PRPF18: variants seen among roughly 807,000 people sequenced by gnomAD.
PRPF18 encodes the protein pre-mRNA-splicing factor 18.
PRPF18 carries 38 observed loss-of-function variants against 46.5 expected under a neutral mutation model. The ratio of observed to expected loss-of-function variants is 0.82; its 90% CI spans 0.63 to 1.07. The LOEUF (loss-of-function observed/expected upper bound fraction) is 1.07, where lower values mean the gene tolerates loss of function less well. Ranked by LOEUF, PRPF18 falls within the 50% of genes least tolerant of loss-of-function variation. The pLI, the probability that PRPF18 is intolerant of heterozygous loss-of-function variation, is 0.00. For missense variants in PRPF18, 263 were observed against 410.0 expected (o/e 0.64, Z 3.10); for synonymous variants, 152 against 146.7 (o/e 1.04, Z -0.26).
chr10:13,632,496 G>C (rs1055399760), downstream of PRPF18: 2 of 152,188 alleles, frequency 1.3e-5, no homozygotes, highest in East Asian at 3.8e-4. Context: ...TACTTTTTCT[G>C]TATTCACCAT....
At chr10:13,617,318 C>G (rs1433942134) in intron 9 of PRPF18, among the ~76,000 whole-genome samples, 4 of 152,284 alleles carry the variant, frequency 2.6e-5, no homozygotes, top group African/African-American at 9.6e-5. Flanking sequence ...CAGTCATTAC[C>G]ATATTCATGA....
At chr10:13,591,411 C>T in intron 1 of PRPF18, 1 of 456,060 alleles carries the variant, frequency 2.2e-6, no homozygotes, top group Non-Finnish European at 3.9e-6. Flanking sequence ...TTATTCAGTC[C>T]TCCTTTTTTG....
intron 5 of PRPF18, 93 bp from the exon 6 acceptor site, chr10:13,611,522 G>T: frequency 9.7e-7 from 1 of 1,031,980 alleles, no homozygotes; most frequent in South Asian, 1.4e-5. Context: ...CAGCATATGT[G>T]ACCAAGAGCC....
At chr10:13,650,093 C>A in the PRPF18 span, among the ~76,000 whole-genome samples, 35 of 152,212 alleles carry the variant, frequency 2.3e-4, no homozygotes, top group Non-Finnish European at 3.2e-4. Flanking sequence ...ACTGGCTAAG[C>A]CAGGGCCGTC....
At chr10:13,614,463 C>T (rs2080312358) in intron 8 of PRPF18, among the ~76,000 whole-genome samples, 1 of 152,182 alleles carries the variant, frequency 6.6e-6, no homozygotes, top group African/African-American at 2.4e-5. Flanking sequence ...ATGAGTTTCC[C>T]AGGATGGTCA....
Position 13,613,837 on chromosome 10 carries a change from A to G in PRPF18, c.676A>G (p.Thr226Ala). The change falls in exon 7 of 10, where the codon ACC becomes GCC. Residue 226 changes from threonine (T) to alanine (A), a missense_variant. By Grantham distance (58) the Thr-to-Ala change is moderately conservative. Around this residue, in one of 4 missense-constraint regions of PRPF18, gnomAD observed 155 missense variants for 245.1 expected, o/e 0.63. Transcript: ENST00000378572. ...GKLNSATQKQTESYLRPLFRK... is the reference protein window; with the variant it reads ...GKLNSATQKQAESYLRPLFRK... ...ACTGAACAGTGCGACCCAGAAACAG[A>G]CCGAGTCCTACCTAAGACCACTTTT... 2 of 1,613,922 alleles carry G rather than the reference A, an allele frequency of 1.2e-6. No homozygotes were observed. Among genetic ancestry groups the G allele is most frequent in the Non-Finnish European group, 1.7e-6 (2 of 1,179,972 alleles).
At chr10:13,596,860 CAG>C (rs1387348546) in intron 1 of PRPF18, among the ~76,000 whole-genome samples, 2 of 152,232 alleles carry the variant, frequency 1.3e-5, no homozygotes, top group African/African-American at 2.4e-5. Context: ...CCAAAACAAA[CAG>C]AAAACCAGAA....
chr10:13,607,680 G>A (rs1045917583), intron 4 of PRPF18, among the ~76,000 whole-genome samples: 2 of 152,094 alleles, frequency 1.3e-5, no homozygotes, highest in African/African-American at 4.8e-5. Context: ...CGAAGTGCCC[G>A]GGCCAGAAGT....
At position 13,589,615 on chromosome 10, in the gene PRPF18, C is replaced by A. The variant is rs115209680; in HGVS notation, c.66+2463C>A. ...TGCAGATGTCATCAGAGTGAGCAGGCAGATAATGCCTTACTGTAGAAAACA... is the reference window on the plus strand; with the variant it reads ...TGCAGATGTCATCAGAGTGAGCAGGAAGATAATGCCTTACTGTAGAAAACA... On this transcript the variant is annotated intron_variant, in intron 1 of 9. Transcript: ENST00000378572. 2.7e-3 allele frequency among the ~76,000 whole-genome samples: 404 copies of A among 152,290 alleles called. 1 individual carries two copies. Among genetic ancestry groups the A allele is most frequent in the African/African-American group, 9.2e-3 (384 of 41,546 alleles).
intron 1 of PRPF18, among the ~76,000 whole-genome samples, chr10:13,595,501 A>G (rs2080022289): frequency 6.6e-6 from 1 of 152,218 alleles, no homozygotes; most frequent in African/African-American, 2.4e-5. Context: ...TTAGATGCCG[A>G]AATAATATTT....
chr10:13,605,922 G>T (rs150256764), intron 4 of PRPF18, among the ~76,000 whole-genome samples, 178 bp downstream of exon 4: 107 of 152,218 alleles, frequency 7.0e-4, no homozygotes, highest in African/African-American at 2.3e-3. Context: ...AACATTTAAT[G>T]CATTTTGACA....
At chr10:13,644,718 T>G in the PRPF18 span, 1 of 152,164 alleles carries the variant, frequency 6.6e-6, no homozygotes, top group East Asian at 1.9e-4. Flanking sequence ...TTGCACACAG[T>G]TCAGTCTGAC....
the PRPF18 span, chr10:13,651,870 TG>T: frequency 1.9e-6 from 2 of 1,056,320 alleles, no homozygotes; most frequent in Non-Finnish European, 3.0e-6. Context: ...CACAGACTCA[TG>T]GGCAGTAGGA....
intron 5 of PRPF18, 57 bp downstream of exon 5, chr10:13,610,242 A>G: frequency 1.3e-6 from 2 of 1,557,374 alleles, no homozygotes; most frequent in Non-Finnish European, 1.8e-6. Context: ...CCTCTGGAGC[A>G]GATGACTGAG....
At chr10:13,635,409 C>T (rs983473271), downstream of PRPF18, among the ~76,000 whole-genome samples, 2 of 151,968 alleles carry the variant, frequency 1.3e-5, no homozygotes, top group African/African-American at 2.4e-5. Context: ...GGTTATATAC[C>T]CAGGAATGGG....
downstream of PRPF18, chr10:13,632,505 A>G (rs145191630): frequency 6.6e-6 from 1 of 152,334 alleles, no homozygotes; most frequent in East Asian, 1.9e-4. Flanking sequence ...TGTATTCACC[A>G]TCAGGTCACA....
At chr10:13,636,670 C>T in the PRPF18 span, among the ~76,000 whole-genome samples, 1 of 152,018 alleles carries the variant, frequency 6.6e-6, no homozygotes, top group East Asian at 1.9e-4. Flanking sequence ...ACATTTCACA[C>T]AGTAAACAAA....
chr10:13,603,288 T>G (rs1306079254), intron 3 of PRPF18, among the ~76,000 whole-genome samples: 2 of 150,002 alleles, frequency 1.3e-5, no homozygotes, highest in Admixed American at 1.3e-4. Flanking sequence ...TGTCATTTTT[T>G]GGGGGAGGTG....
chr10:13,595,112 C>G (rs2080014957), intron 1 of PRPF18, among the ~76,000 whole-genome samples: 1 of 152,166 alleles, frequency 6.6e-6, no homozygotes. Context: ...TTTATTTTTG[C>G]TGATGCCAGT....
Sources: gnomAD v4.1 joint callset for allele counts (sites outside exome capture counted in the v4.1 genomes callset) on GRCh38, gnomAD v4.1.1 for gene constraint, gnomAD v4.1.1 regional missense constraint, MANE v1.5 for transcripts, NCBI Gene and HGNC (gene_info 2026-07-23, HGNC 2026-07-21) for gene names.